SNTG1: variants seen among roughly 807,000 people sequenced by gnomAD.
SNTG1 encodes the protein gamma-1-syntrophin.
SNTG1 carries 39 observed loss-of-function variants against 74.7 expected under a neutral mutation model. The observed-to-expected ratio is 0.52, with a 90% confidence interval of 0.40 to 0.68. SNTG1 has a LOEUF of 0.68. Ranked by LOEUF, SNTG1 falls within the 30% of genes least tolerant of loss-of-function variation. The pLI is 0.00. For missense variants in SNTG1, 685 were observed against 609.5 expected (o/e 1.12, Z -1.30); for synonymous variants, 254 against 217.1 (o/e 1.17, Z -1.49).
intron 8 of SNTG1, among the ~76,000 whole-genome samples, chr8:50,475,893 T>C (rs1435872562): frequency 2.0e-5 from 3 of 152,112 alleles, no homozygotes; most frequent in Non-Finnish European, 4.4e-5. Flanking sequence ...AGTCCCCTCC[T>C]TACCCATGGT....
chr8:49,999,570 C>T (rs748480651), intron 1 of SNTG1, among the ~76,000 whole-genome samples: 4 of 152,164 alleles, frequency 2.6e-5, no homozygotes, highest in Non-Finnish European at 5.9e-5. Context: ...TCTTTTTGAA[C>T]ATTCTCTAGG....
At chr8:50,144,953 A>G (rs142569740) in intron 1 of SNTG1, among the ~76,000 whole-genome samples, 9 of 152,276 alleles carry the variant, frequency 5.9e-5, no homozygotes, top group Middle Eastern at 3.4e-3. Flanking sequence ...GCAGGACTTG[A>G]GCTGCCTGCA....
intron 1 of SNTG1, among the ~76,000 whole-genome samples, chr8:49,959,650 A>G (rs1232778546): frequency 1.3e-5 from 2 of 152,230 alleles, no homozygotes; most frequent in Non-Finnish European, 2.9e-5. Flanking sequence ...TGGCTAAATA[A>G]CATTCCATTA....
At chr8:50,200,999 A>T (rs1316721198) in intron 2 of SNTG1, among the ~76,000 whole-genome samples, 2 of 152,186 alleles carry the variant, frequency 1.3e-5, no homozygotes, top group Non-Finnish European at 2.9e-5. Context: ...GGAGGGGCTC[A>T]TTCATTGTCT....
rs142250299 is a variant in SNTG1, at chr8:50,461,799, A to G, written c.363+11070A>G. ...CATACTTTTCAGGCTGATCTTGCAT[A>G]TATTTCCTGCCAGTCTAAGAATCAG... is the stretch of plus-strand genomic sequence containing the variant. On this transcript the variant is annotated intron_variant, in intron 8 of 18. Coordinates refer to ENST00000642720, the MANE Select transcript of SNTG1 (RefSeq NM_018967.5). Among the ~76,000 whole-genome samples the G allele has an allele frequency of 7.0e-3, 1,067 of 152,146 alleles. 12 individuals carry two copies. The highest frequency in any genetic ancestry group is 0.024 in the African/African-American group (1,012 of 41,492).
intron 1 of SNTG1, among the ~76,000 whole-genome samples, chr8:50,063,944 A>G (rs1362651395): frequency 6.6e-6 from 1 of 152,184 alleles, no homozygotes; most frequent in African/African-American, 2.4e-5. Flanking sequence ...TTCACAACAC[A>G]AACTCTAGCC....
chr8:50,077,238 A>C (rs1300720670), intron 1 of SNTG1, among the ~76,000 whole-genome samples: 1 of 152,212 alleles, frequency 6.6e-6, no homozygotes, highest in South Asian at 2.1e-4. Flanking sequence ...TTTTTTCTTT[A>C]TTCCTTCCAA....
rs574571129 is a variant in SNTG1 at position 50,216,034 on chromosome 8, T to C, written c.-28+43399T>C. On this transcript the variant is annotated intron_variant, in intron 2 of 18. Coordinates refer to ENST00000642720, the MANE Select transcript of SNTG1 (RefSeq NM_018967.5). ...AGAGTGTCTATCTCACTCAGGAGCA[T>C]GGCTCAGGTGGGTCTTCCCTCCTGA... Among the ~76,000 whole-genome samples, 8 of 152,290 alleles carry C rather than the reference T, an allele frequency of 5.3e-5. No homozygotes were observed. The South Asian group carries it at 1.5e-3, about 28-fold the overall frequency.
chr8:50,234,021 G>A (rs1026333300), intron 2 of SNTG1, among the ~76,000 whole-genome samples: 1 of 151,864 alleles, frequency 6.6e-6, no homozygotes, highest in Admixed American at 6.6e-5. Flanking sequence ...AACAGAAATT[G>A]ACCATGTTAA....
At chr8:50,583,050 T>G (rs1011601390) in intron 12 of SNTG1, among the ~76,000 whole-genome samples, 1 of 152,126 alleles carries the variant, frequency 6.6e-6, no homozygotes, top group Non-Finnish European at 1.5e-5. Context: ...TTAACACTAC[T>G]TAGATTTTGT....
At chr8:49,926,401 G>A (rs115170256) in intron 1 of SNTG1, among the ~76,000 whole-genome samples, 1,932 of 152,102 alleles carry the variant, frequency 0.013, 44 homozygotes, top group African/African-American at 0.042. Context: ...GTGCCATAAA[G>A]AAAACTATGC....
rs539083931 is a variant in SNTG1 at position 50,242,151 on chromosome 8, A to G, written c.-28+69516A>G. On this transcript the variant is annotated intron_variant, in intron 2 of 18. Transcript: ENST00000642720. ...TATATACATACATATACATATGTGT[A>G]TATATGTATATTAATATTTATATTT... is the stretch of plus-strand genomic sequence containing the variant. Among the ~76,000 whole-genome samples, 3 of 152,120 alleles carry G rather than the reference A, an allele frequency of 2.0e-5. No individual in the cohort carries two copies. In the South Asian group the frequency reaches 6.2e-4, roughly 32 times the overall value.
chr8:50,097,313 C>G (rs1384523015), intron 1 of SNTG1, among the ~76,000 whole-genome samples: 1 of 149,310 alleles, frequency 6.7e-6, no homozygotes, highest in Admixed American at 6.7e-5. Flanking sequence ...TTGATATAGT[C>G]CATGTTGAAG....
chr8:50,595,126 A>T (rs1212881707), intron 13 of SNTG1, among the ~76,000 whole-genome samples: 1 of 151,482 alleles, frequency 6.6e-6, no homozygotes, highest in East Asian at 1.9e-4. Flanking sequence ...TCAAAAATCT[A>T]TTTTTTTCAA....
At chr8:50,373,280 T>A (rs1395911315) in intron 2 of SNTG1, among the ~76,000 whole-genome samples, 1 of 152,240 alleles carries the variant, frequency 6.6e-6, no homozygotes, top group Non-Finnish European at 1.5e-5. Context: ...AATGCAAATA[T>A]GTTTTCACGA....
intron 9 of SNTG1, among the ~76,000 whole-genome samples, chr8:50,529,572 GA>G (rs1249730685): frequency 4.6e-5 from 7 of 151,820 alleles, no homozygotes; most frequent in African/African-American, 1.7e-4. Context: ...ACTAAACTGG[GA>G]AATCTTAGAA....
intron 17 of SNTG1, among the ~76,000 whole-genome samples, chr8:50,738,951 A>G (rs1370147240): frequency 2.0e-5 from 3 of 152,200 alleles, no homozygotes; most frequent in Non-Finnish European, 4.4e-5. Flanking sequence ...ACGTAAAACC[A>G]TAAAAACCCT....
chr8:50,367,766 C>A (rs1341073384), intron 2 of SNTG1, among the ~76,000 whole-genome samples: 48 of 151,792 alleles, frequency 3.2e-4, no homozygotes, highest in Non-Finnish European at 4.4e-5. Flanking sequence ...CTTGGTCAAC[C>A]ATTGTATTGT....
At chr8:50,678,090 G>A (rs2095316297) in intron 15 of SNTG1, among the ~76,000 whole-genome samples, 1 of 150,806 alleles carries the variant, frequency 6.6e-6, no homozygotes, top group African/African-American at 2.4e-5. Context: ...ATGTATCCCG[G>A]AACTTAAAGT....
Sources: allele counts gnomAD v4.1 joint callset (sites outside exome capture counted in the v4.1 genomes callset), GRCh38; gene constraint gnomAD v4.1.1; transcripts MANE v1.5; gene names NCBI Gene and HGNC (gene_info 2026-07-23, HGNC 2026-07-21).